Variants in AATK observed in about 807,000 individuals in gnomAD.
The protein encoded by AATK is serine/threonine-protein kinase LMTK1.
AATK carries 91 observed loss-of-function variants against 114.3 expected under a neutral mutation model. That is an observed-to-expected ratio of 0.80 (90% confidence interval 0.67 to 0.95). The LOEUF (loss-of-function observed/expected upper bound fraction) is 0.95, where lower values mean the gene tolerates loss of function less well. Among genes scored for constraint, AATK ranks in the 40% least tolerant of loss-of-function variants. AATK has a pLI of 0.00. For synonymous variants in AATK, 1,075 were observed against 916.5 expected, an observed-to-expected ratio of 1.17 and a Z score of -3.12; for missense variants, 2,176 against 1,965.2, an observed-to-expected ratio of 1.11 and a Z score of -2.03.
Position 81,134,532 on chromosome 17 carries a change from A to G in AATK, c.56-31T>C, listed in dbSNP as rs116639549. The G allele has an allele frequency of 7.0e-4, 1,127 of 1,601,356 alleles. 8 individuals carry two copies. In the African/African-American group the frequency reaches 0.013, roughly 18 times the overall value. ...GGAGAGCAGTGTGGTGAGAGTGGCC[A>G]TGGCTGAGGGCCGGCCAGGCCCCTG... On this transcript the variant is annotated intron_variant, in intron 1 of 13. Transcript: ENST00000326724.
At chr17:81,151,093 T>G (rs2061288937) in intron 1 of AATK, among the ~76,000 whole-genome samples, 1 of 152,160 alleles carries the variant, frequency 6.6e-6, no homozygotes. Context: ...TACGAACCAC[T>G]GTGAGGCAGA....
intron 3 of AATK, 70 bp downstream of exon 3, chr17:81,130,991 C>G (rs1383196409): frequency 2.0e-6 from 3 of 1,511,164 alleles, no homozygotes; most frequent in Non-Finnish European, 2.7e-6. Flanking sequence ...CCGGTCTCCC[C>G]AGATCACACC....
Position 81,121,677 on chromosome 17 carries a change from G to T in AATK, c.2259C>A (p.Gly753=). The part of the protein sequence containing the change: ...PGLPHLCSAQ[G]LAPAPCLVTP... ...TAACCAGGCAGGGAGCAGGTGCCAG[G>T]CCCTGGGCAGAGCATAGATGAGGGA... Residue 753 remains glycine (G), a synonymous_variant, in exon 11 of 14, where the codon GGC becomes GGA. Transcript: ENST00000326724. The T allele has an allele frequency of 6.7e-7, 1 of 1,500,470 alleles. No individual in the cohort carries two copies. The highest frequency in any genetic ancestry group is 2.2e-5 in the Admixed American group (1 of 44,538). The allele number at this position is 1,500,470 out of a possible 1,614,324, so 92.9% of individuals were successfully genotyped here. A position where few individuals can be genotyped will look rare whatever the true frequency, so the allele number is the denominator to read the frequency against.
At chr17:81,164,364 G>A (rs576881341) in intron 1 of AATK, among the ~76,000 whole-genome samples, 1 of 152,324 alleles carries the variant, frequency 6.6e-6, no homozygotes, top group Admixed American at 6.5e-5. Context: ...TTCCTCACCA[G>A]CACCAGCACC....
rs372256471 is a variant in AATK at position 81,138,752 on chromosome 17, C to T, written c.56-4251G>A. Among the ~76,000 whole-genome samples, 59 of 151,454 alleles carry T rather than the reference C, an allele frequency of 3.9e-4. 2 individuals are homozygous for T. The East Asian group carries it at 6.1e-3, about 16-fold the overall frequency. ...ACATGCGCGCACACAGATACCAACACGCGCATGCACACCCACATGCACGCA... is the reference window on the plus strand; with the variant it reads ...ACATGCGCGCACACAGATACCAACATGCGCATGCACACCCACATGCACGCA... On this transcript the variant is annotated intron_variant, in intron 1 of 13. Transcript: ENST00000326724.
At position 81,137,707 on chromosome 17, in the gene AATK, G is replaced by GCA. The variant is rs568236548; in HGVS notation, c.56-3208_56-3207dup. ...GCATGAAAACACATGAAACACACAT[G>GCA]CACACACACCTCATGACAACGCGAA... On this transcript the variant is annotated intron_variant, in intron 1 of 13. Coordinates refer to ENST00000326724, the MANE Select transcript of AATK (RefSeq NM_001080395.3). Among the ~76,000 whole-genome samples, 446 of 152,154 alleles carry GCA rather than the reference G, an allele frequency of 2.9e-3. 6 individuals carry two copies. Among genetic ancestry groups the GCA allele is most frequent in the South Asian group, 0.022 (108 of 4,820 alleles).
At chr17:81,136,055 C>G (rs1026810320) in intron 1 of AATK, 1 of 152,278 alleles carries the variant, frequency 6.6e-6, no homozygotes, top group African/African-American at 2.4e-5. Context: ...GGAACACAGG[C>G]AGGGGCTCAC....
rs200392412 is a variant in AATK, at chr17:81,134,428, G to A, written c.129C>T (p.Phe43=). Residue 43 remains phenylalanine (F), a synonymous_variant, in exon 2 of 14, where the codon TTC becomes TTT. Coordinates refer to ENST00000326724, the MANE Select transcript of AATK (RefSeq NM_001080395.3). ...AGGCCAGCATGAGGACGATGACGGCGAAGAGCCCGGAGAAAGACACAGCCA... is the reference window on the plus strand; with the variant it reads ...AGGCCAGCATGAGGACGATGACGGCAAAGAGCCCGGAGAAAGACACAGCCA... ...AVVAVSFSGL[F]AVIVLMLACL... 39 of 1,613,260 alleles carry A rather than the reference G, an allele frequency of 2.4e-5. No homozygotes were observed. Among genetic ancestry groups the A allele is most frequent in the South Asian group, 5.5e-5 (5 of 91,078 alleles).
intron 1 of AATK, among the ~76,000 whole-genome samples, chr17:81,154,112 G>A (rs1489137300): frequency 2.0e-5 from 3 of 151,858 alleles, no homozygotes; most frequent in Non-Finnish European, 4.4e-5. Context: ...GCAGTGCCAT[G>A]TAGAAGATGA....
intron 4 of AATK, among the ~76,000 whole-genome samples, chr17:81,128,249 C>A (rs924065812): frequency 2.6e-5 from 4 of 152,202 alleles, no homozygotes; most frequent in African/African-American, 9.6e-5. Flanking sequence ...GCTCCTCTCC[C>A]TCCCAGGGCC....
At chr17:81,138,397 ACCC>A (rs1171681496) in intron 1 of AATK, among the ~76,000 whole-genome samples, 1 of 143,730 alleles carries the variant, frequency 7.0e-6, no homozygotes, top group African/African-American at 2.7e-5. Flanking sequence ...GTGCACACAC[ACCC>A]CCACACGTGC....
chr17:81,143,050 C>T (rs2061161274), intron 1 of AATK, among the ~76,000 whole-genome samples: 1 of 152,358 alleles, frequency 6.6e-6, no homozygotes, highest in African/African-American at 2.4e-5. Context: ...CAGCACAGAG[C>T]TGGGGGATCC....
At chr17:81,143,097 C>T (rs1237709695) in intron 1 of AATK, among the ~76,000 whole-genome samples, 1 of 152,208 alleles carries the variant, frequency 6.6e-6, no homozygotes, top group East Asian at 1.9e-4. Flanking sequence ...GTTGCCGGCA[C>T]ACGGCCTTCC....
intron 2 of AATK, chr17:81,133,354 A>G (rs773040721): frequency 2.2e-5 from 8 of 364,940 alleles, no homozygotes; most frequent in Non-Finnish European, 5.5e-6. Context: ...ATGACATACC[A>G]GGGGCAGGGA....
At chr17:81,131,910 G>T in intron 2 of AATK, 1 of 1,339,278 alleles carries the variant, frequency 7.5e-7, no homozygotes, top group East Asian at 5.0e-5. Context: ...ACCTGCCACC[G>T]CCATCTGCCC....
Position 81,121,686 on chromosome 17 carries a change from A to G in AATK, c.2250T>C (p.Ser750=). The G allele has an allele frequency of 6.7e-7, 1 of 1,499,940 alleles. No homozygotes were observed. The highest frequency in any genetic ancestry group is 8.9e-7 in the Non-Finnish European group (1 of 1,128,868). The allele number at this position is 1,499,940 out of a possible 1,614,324, so 92.9% of individuals were successfully genotyped here. The change falls in exon 11 of 14, where the codon TCT becomes TCC. Residue 750 remains serine, a synonymous_variant. Transcript: ENST00000326724. ...GCCPGLPHLC[S]AQGLAPAPCL... The stretch of plus-strand genomic sequence containing the variant: ...AGGGAGCAGGTGCCAGGCCCTGGGC[A>G]GAGCATAGATGAGGGAGGCCGGGGC...
chr17:81,131,748 T>C (rs1462246443), intron 2 of AATK, among the ~76,000 whole-genome samples: 1 of 152,018 alleles, frequency 6.6e-6, no homozygotes, highest in Non-Finnish European at 1.5e-5. Context: ...CACCCTCCCA[T>C]GGCGCAGCTT....
intron 1 of AATK, among the ~76,000 whole-genome samples, chr17:81,138,496 C>T (rs2061061680): frequency 6.7e-6 from 1 of 149,906 alleles, no homozygotes; most frequent in South Asian, 2.1e-4. Flanking sequence ...TGCACACACA[C>T]CCTCGTGCAG....
chr17:81,145,234 CAAA>C (rs761538299), intron 1 of AATK, among the ~76,000 whole-genome samples: 2 of 121,114 alleles, frequency 1.7e-5, no homozygotes, highest in Non-Finnish European at 1.8e-5. Flanking sequence ...GAGACTCCAT[CAAA>C]AAAAAAAAAA....
Sources: allele counts gnomAD v4.1 joint callset (sites outside exome capture counted in the v4.1 genomes callset), GRCh38; gene constraint gnomAD v4.1.1; transcripts MANE v1.5; gene names NCBI Gene and HGNC (gene_info 2026-07-23, HGNC 2026-07-21).